Variants in B3GALT1 observed in about 807,000 individuals in gnomAD.
B3GALT1 encodes the protein beta-1,3-galactosyltransferase 1.
A neutral mutation model predicts 23.2 loss-of-function variants in B3GALT1; 10 were observed. That is an observed-to-expected ratio of 0.43 (90% CI 0.27 to 0.73). The LOEUF is 0.73. Among genes scored for constraint, B3GALT1 ranks in the 30% least tolerant of loss-of-function variants. The pLI, the probability that B3GALT1 is intolerant of heterozygous loss-of-function variation, is 0.21. For synonymous variants in B3GALT1, 156 were observed against 141.5 expected (o/e 1.10, Z -0.73); for missense variants, 299 against 405.4 (o/e 0.74, Z 2.25).
intron 3 of B3GALT1, among the ~76,000 whole-genome samples, chr2:167,782,168 A>T (rs1688257352): frequency 6.6e-6 from 1 of 152,106 alleles, no homozygotes; most frequent in Non-Finnish European, 1.5e-5. Flanking sequence ...GGATGCAGGG[A>T]CCTGGGTGGA....
At chr2:167,308,249 T>G (rs1696579800) in intron 1 of B3GALT1, among the ~76,000 whole-genome samples, 1 of 152,016 alleles carries the variant, frequency 6.6e-6, no homozygotes, top group Non-Finnish European at 1.5e-5. Flanking sequence ...GAGTTTTTGA[T>G]AGAGCCAAGA....
intron 3 of B3GALT1, among the ~76,000 whole-genome samples, chr2:167,668,439 AGAGGCAGGCAGTCCTCCTT>A (rs1686251937): frequency 6.6e-6 from 1 of 152,174 alleles, no homozygotes; most frequent in African/African-American, 2.4e-5. Context: ...TGGAGCCTAC[AGAGGCAGGCAGTCCTCCTT>A]GAGCTGTGGT....
At chr2:167,797,332 A>G (rs141773484) in intron 3 of B3GALT1, among the ~76,000 whole-genome samples, 244 of 152,342 alleles carry the variant, frequency 1.6e-3, no homozygotes, top group Non-Finnish European at 2.8e-3. Flanking sequence ...GCTGCATAGT[A>G]TTCCATGGTG....
At chr2:167,476,982 C>G (rs1699496383) in intron 1 of B3GALT1, among the ~76,000 whole-genome samples, 1 of 152,066 alleles carries the variant, frequency 6.6e-6, no homozygotes, top group Admixed American at 6.6e-5. Context: ...GCAGATTGAC[C>G]AATTACTTTC....
intron 3 of B3GALT1, among the ~76,000 whole-genome samples, chr2:167,721,269 A>T (rs13036010): frequency 0.3 from 45,584 of 152,190 alleles, 8,055 homozygotes; most frequent in Non-Finnish European, 0.41. Context: ...CTATTTGGAC[A>T]ACATGAAAGA....
chr2:167,596,636 TTAAG>T (rs1429830319), intron 2 of B3GALT1, among the ~76,000 whole-genome samples: 1 of 152,176 alleles, frequency 6.6e-6, no homozygotes, highest in African/African-American at 2.4e-5. Flanking sequence ...TCTCCGTCTC[TTAAG>T]TTTTTCCCCA....
chr2:167,692,394 C>T (rs867746225), intron 3 of B3GALT1, among the ~76,000 whole-genome samples: 18 of 152,000 alleles, frequency 1.2e-4, no homozygotes, highest in East Asian at 7.7e-4. Context: ...GGGTAATTTG[C>T]GTAATCATGT....
At chr2:167,722,418 C>T (rs1687248968) in intron 3 of B3GALT1, among the ~76,000 whole-genome samples, 1 of 152,202 alleles carries the variant, frequency 6.6e-6, no homozygotes, top group Non-Finnish European at 1.5e-5. Flanking sequence ...TTTGACCTGA[C>T]ATTGACCACA....
intron 1 of B3GALT1, among the ~76,000 whole-genome samples, chr2:167,372,752 A>AG (rs566174058): frequency 6.0e-4 from 92 of 152,212 alleles, no homozygotes; most frequent in Non-Finnish European, 1.1e-3. Context: ...AAAGAAATCT[A>AG]GAAAAAATAA....
In B3GALT1 at chr2:167,348,126, T is replaced by C. The variant is rs1419216149; in HGVS notation, c.-511+54792T>C. On this transcript the variant is annotated intron_variant, in intron 1 of 4. Transcript: ENST00000392690. The stretch of plus-strand genomic sequence containing the variant: ...CAAAGATAGTGTATATAAACCCAAA[T>C]TGTGCATAGCACCTGGCACATAACA... Among the ~76,000 whole-genome samples the C allele has an allele frequency of 3.3e-5, 5 of 152,172 alleles. No homozygotes were observed. The South Asian group carries it at 1.0e-3, about 32-fold the overall frequency.
At chr2:167,642,219 A>G (rs1476773018) in intron 2 of B3GALT1, among the ~76,000 whole-genome samples, 2 of 152,170 alleles carry the variant, frequency 1.3e-5, no homozygotes, top group Non-Finnish European at 2.9e-5. Context: ...CTCAAATTCT[A>G]GAATGAAAAA....
intron 1 of B3GALT1, among the ~76,000 whole-genome samples, chr2:167,359,843 A>G (rs1199978849): frequency 1.3e-5 from 2 of 151,946 alleles, no homozygotes; most frequent in African/African-American, 4.8e-5. Context: ...AACAACCCCT[A>G]CCACAGCTGG....
chr2:167,350,185 A>G (rs1697287141), intron 1 of B3GALT1, among the ~76,000 whole-genome samples: 1 of 152,210 alleles, frequency 6.6e-6, no homozygotes, highest in Non-Finnish European at 1.5e-5. Context: ...TCATAATGCT[A>G]AGTAACTGCC....
At chr2:167,504,777 A>G (rs1007229710) in intron 2 of B3GALT1, among the ~76,000 whole-genome samples, 1 of 152,216 alleles carries the variant, frequency 6.6e-6, no homozygotes, top group East Asian at 1.9e-4. Flanking sequence ...AATTGCCTAT[A>G]GTATTTAGTA....
chr2:167,708,418 T>G (rs2105515997), intron 3 of B3GALT1, among the ~76,000 whole-genome samples: 1 of 152,308 alleles, frequency 6.6e-6, no homozygotes, highest in Admixed American at 6.5e-5. Context: ...CCCAGCACTT[T>G]GGGAGGCCAT....
chr2:167,566,393 C>T (rs1684167859), intron 2 of B3GALT1, among the ~76,000 whole-genome samples: 1 of 151,606 alleles, frequency 6.6e-6, no homozygotes, highest in Non-Finnish European at 1.5e-5. Context: ...GGAGATATAC[C>T]TAATGCTAAA....
intron 3 of B3GALT1, among the ~76,000 whole-genome samples, chr2:167,652,885 T>TA (rs539714372): frequency 1.3e-3 from 205 of 152,266 alleles, no homozygotes; most frequent in African/African-American, 4.2e-3. Context: ...TCTTTTAACT[T>TA]AAAAAGTCAT....
chr2:167,734,227 T>C (rs945476144), intron 3 of B3GALT1, among the ~76,000 whole-genome samples: 3 of 152,180 alleles, frequency 2.0e-5, no homozygotes, highest in Admixed American at 2.0e-4. Context: ...CCTATGATAC[T>C]TTCAGAGTGA....
chr2:167,840,724 C>G (rs1480306357), intron 4 of B3GALT1, among the ~76,000 whole-genome samples: 1 of 151,432 alleles, frequency 6.6e-6, no homozygotes, highest in African/African-American at 2.4e-5. Flanking sequence ...GACACATGCA[C>G]ATGTATGTTT....
Sources: gnomAD v4.1 joint callset for allele counts (sites outside exome capture counted in the v4.1 genomes callset) on GRCh38, gnomAD v4.1.1 for gene constraint, MANE v1.5 for transcripts, NCBI Gene and HGNC (gene_info 2026-07-23, HGNC 2026-07-21) for gene names.